AGBL1: variants seen among roughly 807,000 people sequenced by gnomAD.
AGBL1 encodes AGBL carboxypeptidase 1.
In AGBL1, 130 loss-of-function variants were observed where a neutral mutation model predicts 118.9. The ratio of observed to expected loss-of-function variants is 1.09; its 90% CI spans 0.95 to 1.26. The LOEUF (loss-of-function observed/expected upper bound fraction) is 1.26. AGBL1 is among the 50% of genes most tolerant of loss of function. The pLI is 0.00. For missense variants in AGBL1, 1,584 were observed against 1,298.1 expected (o/e 1.22, Z -3.38); for synonymous variants, 555 against 478.9 (o/e 1.16, Z -2.08).
intron 10 of AGBL1, among the ~76,000 whole-genome samples, chr15:86,263,826 G>A (rs2079030412): frequency 6.6e-6 from 1 of 152,190 alleles, no homozygotes; most frequent in Non-Finnish European, 1.5e-5. Flanking sequence ...TGTACAGAGG[G>A]AGTTAATATA....
At chr15:86,723,624 G>A (rs1404003608) in intron 22 of AGBL1, among the ~76,000 whole-genome samples, 1 of 152,054 alleles carries the variant, frequency 6.6e-6, no homozygotes, top group East Asian at 1.9e-4. Context: ...CCTGCACGTT[G>A]TGCACATGTA....
intron 17 of AGBL1, among the ~76,000 whole-genome samples, chr15:86,334,816 T>A (rs560910235): frequency 1.8e-4 from 27 of 152,084 alleles, no homozygotes; most frequent in Non-Finnish European, 3.7e-4. Flanking sequence ...AACAGACACA[T>A]AGACCAATGG....
intron 21 of AGBL1, among the ~76,000 whole-genome samples, chr15:86,634,004 C>T (rs1168129338): frequency 6.6e-6 from 1 of 151,690 alleles, no homozygotes; most frequent in Non-Finnish European, 1.5e-5. Context: ...AAATCAATAT[C>T]AGTAGGAGAT....
At chr15:86,746,525 C>T (rs1030456874) in intron 22 of AGBL1, among the ~76,000 whole-genome samples, 5 of 152,002 alleles carry the variant, frequency 3.3e-5, no homozygotes, top group Admixed American at 6.6e-5. Flanking sequence ...ATTCCCTGAT[C>T]GTGCACATCA....
intron 5 of AGBL1, among the ~76,000 whole-genome samples, chr15:86,220,105 C>T (rs2078257818): frequency 6.6e-6 from 1 of 152,008 alleles, no homozygotes; most frequent in Non-Finnish European, 1.5e-5. Flanking sequence ...GGGCCTGCCA[C>T]CATGCCCAGC....
intron 18 of AGBL1, among the ~76,000 whole-genome samples, chr15:86,463,573 G>A (rs2142089666): frequency 6.6e-6 from 1 of 152,230 alleles, no homozygotes; most frequent in South Asian, 2.1e-4. Flanking sequence ...ATGGTTTTAG[G>A]TCTTATGTTT....
At chr15:86,634,186 A>G (rs988180733) in intron 21 of AGBL1, among the ~76,000 whole-genome samples, 7 of 152,190 alleles carry the variant, frequency 4.6e-5, no homozygotes, top group African/African-American at 1.2e-4. Flanking sequence ...TAGAGTTACT[A>G]TATGACCCAA....
intron 16 of AGBL1, among the ~76,000 whole-genome samples, chr15:86,286,687 ATATATATATGTGTGTGTG>A (rs937365866): frequency 6.1e-5 from 8 of 130,982 alleles, no homozygotes; most frequent in African/African-American, 1.2e-4. Context: ...GTATGTATGT[ATATATATATGTGTGTGTG>A]TATATATATG....
At chr15:86,682,835 A>G (rs940054159) in intron 22 of AGBL1, among the ~76,000 whole-genome samples, 4 of 152,162 alleles carry the variant, frequency 2.6e-5, no homozygotes, top group Admixed American at 1.3e-4. Context: ...TGCTGTGCTA[A>G]GCATTTTATA....
chr15:86,530,776 A>G (rs2083338704), intron 19 of AGBL1, among the ~76,000 whole-genome samples: 1 of 141,352 alleles, frequency 7.1e-6, no homozygotes, highest in Non-Finnish European at 1.5e-5. Flanking sequence ...ACCACAGTGC[A>G]ATCAAACTAG....
intron 18 of AGBL1, among the ~76,000 whole-genome samples, chr15:86,500,385 T>C (rs2082904167): frequency 6.6e-6 from 1 of 151,866 alleles, no homozygotes; most frequent in African/African-American, 2.4e-5. Flanking sequence ...TCCCAAGTTC[T>C]AGTATGGAAA....
chr15:86,964,708 T>C (rs1421915495), intron 23 of AGBL1, among the ~76,000 whole-genome samples: 3 of 151,900 alleles, frequency 2.0e-5, no homozygotes, highest in East Asian at 1.9e-4. Context: ...TACATAGGTA[T>C]ACACGTGCAA....
intron 22 of AGBL1, among the ~76,000 whole-genome samples, chr15:86,713,310 C>T (rs1010442272): frequency 6.6e-6 from 1 of 152,124 alleles, no homozygotes; most frequent in Admixed American, 6.6e-5. Flanking sequence ...CAGAAGAGAG[C>T]ATTGGAATTA....
At chr15:86,685,906 C>T (rs1009223359) in intron 22 of AGBL1, among the ~76,000 whole-genome samples, 8 of 152,102 alleles carry the variant, frequency 5.3e-5, no homozygotes, top group East Asian at 3.9e-4. Flanking sequence ...TGTTCTTTAC[C>T]GAAGAGCTGA....
At chr15:87,001,889 G>A (rs958425926) in intron 24 of AGBL1, among the ~76,000 whole-genome samples, 1 of 152,070 alleles carries the variant, frequency 6.6e-6, no homozygotes, top group Non-Finnish European at 1.5e-5. Context: ...CCCTTTGTCA[G>A]ATGACTAGGT....
chr15:86,143,568 A>G, intron 2 of AGBL1, 131 bp from the exon 3 acceptor site: 9 of 1,155,620 alleles, frequency 7.8e-6, no homozygotes, highest in Non-Finnish European at 1.1e-5. Flanking sequence ...GGTTGCTTCA[A>G]GAACTACATA....
At chr15:86,151,656 G>A (rs1160463205) in intron 3 of AGBL1, among the ~76,000 whole-genome samples, 2 of 152,130 alleles carry the variant, frequency 1.3e-5, no homozygotes, top group African/African-American at 4.8e-5. Context: ...ATTCAACATA[G>A]TGTTGGAAGT....
At chr15:86,433,263 CTTCTTTTTTT>C (rs1486591429) in intron 18 of AGBL1, among the ~76,000 whole-genome samples, 1 of 54,948 alleles carries the variant, frequency 1.8e-5, no homozygotes, top group Non-Finnish European at 3.4e-5. Context: ...CCTCCTCCTT[CTTCTTTTTTT>C]TTTTTTTTTT....
intron 23 of AGBL1, among the ~76,000 whole-genome samples, chr15:86,978,293 G>A (rs1567269570): frequency 6.6e-6 from 1 of 152,160 alleles, no homozygotes; most frequent in Non-Finnish European, 1.5e-5. Flanking sequence ...TAGGTTAGGG[G>A]AATAGGGTCA....
Sources: gnomAD v4.1 joint callset for allele counts (sites outside exome capture counted in the v4.1 genomes callset) on GRCh38, gnomAD v4.1.1 for gene constraint, MANE v1.5 for transcripts, NCBI Gene and HGNC (gene_info 2026-07-23, HGNC 2026-07-21) for gene names.